SORL1: variants seen among roughly 807,000 people sequenced by gnomAD.
SORL1 encodes sortilin related receptor 1.
In SORL1, 127 loss-of-function variants were observed where a neutral mutation model predicts 273.7. That is an observed-to-expected ratio of 0.46 (90% CI 0.40 to 0.54). The LOEUF (loss-of-function observed/expected upper bound fraction) is 0.54, where lower values mean the gene tolerates loss of function less well. Among genes scored for constraint, SORL1 ranks in the 20% least tolerant of loss-of-function variants. The pLI is 0.00. For synonymous variants in SORL1, 1,031 were observed against 1,067.4 expected (o/e 0.97, Z 0.66); for missense variants, 2,494 against 2,846.1 (o/e 0.88, Z 2.81).
At position 121,452,929 on chromosome 11, in the gene SORL1, A is replaced by G. The variant is rs1041239113; in HGVS notation, c.285+313A>G. The G allele has an allele frequency of 9.5e-5, 29 of 303,676 alleles. No homozygotes were observed. The highest frequency in any genetic ancestry group is 1.6e-4 in the Non-Finnish European group (26 of 165,184). The allele number at this position is 303,676 out of a possible 1,614,324, so 18.8% of individuals were successfully genotyped here. A position where few individuals can be genotyped will look rare whatever the true frequency, so the allele number is the denominator to read the frequency against. On this transcript the variant is annotated intron_variant, in intron 1 of 47. Transcript: ENST00000260197. This position sits in a 1 kb window ranked among gnomAD's most constrained non-coding sequence, Gnocchi z 5.3. Reference sequence around the variant, plus strand: ...GTGCAGCTTCATTTTACATCTGGATAAAAAACGGGCTTTCTTTAGTGTATC... The same window carrying G: ...GTGCAGCTTCATTTTACATCTGGATGAAAAACGGGCTTTCTTTAGTGTATC...
At position 121,632,087 on chromosome 11, in the gene SORL1, G is replaced by A. The variant is rs1017779133; in HGVS notation, c.*2524G>A. On this transcript the variant is annotated 3_prime_UTR_variant, in exon 48 of 48. Coordinates refer to ENST00000260197, the MANE Select transcript of SORL1 (RefSeq NM_003105.6). ...GGAGTCCCTGCTTGCTTGTGAAGAA[G>A]GGGCTTTTGTACCTTGTTGGAGATG... 1.3e-5 allele frequency: 2 copies of A among 152,192 alleles called. No homozygotes were observed. Among genetic ancestry groups the A allele is most frequent in the Non-Finnish European group, 2.9e-5 (2 of 68,052 alleles). The allele number at this position is 152,192 out of a possible 1,614,324, so 9.4% of individuals were successfully genotyped here.
At chr11:121,586,417 C>A in intron 27 of SORL1, 88 bp downstream of exon 27, 2 of 995,686 alleles carry the variant, frequency 2.0e-6, no homozygotes, top group Admixed American at 1.7e-5. Context: ...TTCATTTCCT[C>A]AGTACCTGCT....
Position 121,480,899 on chromosome 11 carries a change from A to G in SORL1, c.528+2656A>G, listed in dbSNP as rs557150476. ...CCCCAGCTTCTTCCGTAGTGCACAG[A>G]TACCTATAGGCAGGCTTCATCTCCT... On this transcript the variant is annotated intron_variant, in intron 3 of 47. Coordinates refer to ENST00000260197, the MANE Select transcript of SORL1 (RefSeq NM_003105.6). 1.5e-3 allele frequency among the ~76,000 whole-genome samples: 210 copies of G among 140,258 alleles called. 1 individual carries two copies. Among genetic ancestry groups the G allele is most frequent in the Non-Finnish European group, 2.8e-3 (178 of 64,722 alleles). The allele number at this position is 140,258 out of a possible 152,430, so 92.0% of individuals were successfully genotyped here. A position where few individuals can be genotyped will look rare whatever the true frequency, so the allele number is the denominator to read the frequency against.
intron 2 of SORL1, among the ~76,000 whole-genome samples, chr11:121,475,334 A>G (rs1465353710): frequency 6.6e-6 from 1 of 152,180 alleles, no homozygotes; most frequent in Non-Finnish European, 1.5e-5. Flanking sequence ...GAATTTTTCA[A>G]CCTGGCCAAG....
Position 121,452,935 on chromosome 11 carries a change from C to T in SORL1, c.285+319C>T, listed in dbSNP as rs1207319862. ...CTTCATTTTACATCTGGATAAAAAA[C>T]GGGCTTTCTTTAGTGTATCATCAGT... On this transcript the variant is annotated intron_variant, in intron 1 of 47. Transcript: ENST00000260197. The surrounding 1 kb of genome is among the most constrained non-coding windows in gnomAD (Gnocchi z 5.3). 1.7e-5 allele frequency: 5 copies of T among 288,956 alleles called. No individual in the cohort carries two copies. In the East Asian group the frequency reaches 2.3e-4, roughly 13 times the overall value. The allele number at this position is 288,956 out of a possible 1,614,324, so 17.9% of individuals were successfully genotyped here.
chr11:121,623,461 T>C (rs1591358343), intron 45 of SORL1, among the ~76,000 whole-genome samples: 1 of 152,216 alleles, frequency 6.6e-6, no homozygotes, highest in Non-Finnish European at 1.5e-5. Flanking sequence ...AATTTGTGTG[T>C]AGTATTTATG....
At chr11:121,495,124 C>T (rs1202183081) in intron 5 of SORL1, among the ~76,000 whole-genome samples, 2 of 152,192 alleles carry the variant, frequency 1.3e-5, no homozygotes, top group Admixed American at 6.5e-5. Flanking sequence ...TGCTCTGTTG[C>T]CCAGGCTGGA....
chr11:121,478,305 G>GCACT, intron 3 of SORL1, 62 bp downstream of exon 3: 1 of 1,562,226 alleles, frequency 6.4e-7, no homozygotes. Flanking sequence ...AAAGATTGCC[G>GCACT]CACTTAAGGG....
intron 6 of SORL1, among the ~76,000 whole-genome samples, chr11:121,507,276 C>G (rs1861802980): frequency 6.6e-6 from 1 of 152,032 alleles, no homozygotes; most frequent in African/African-American, 2.4e-5. Flanking sequence ...CTGAGTTTAT[C>G]CTTTTAGGAA....
Position 121,618,850 on chromosome 11 carries a change from A to G in SORL1, c.5681A>G (p.Asn1894Ser), listed in dbSNP as rs1863678903. 3.7e-6 allele frequency: 6 copies of G among 1,613,960 alleles called. No individual in the cohort carries two copies. The highest frequency in any genetic ancestry group is 3.3e-5 in the Admixed American group (2 of 59,994). ...NPKSLTTSLH[N>S]KTVIVSKDEQ... ...AAGAGCTTGACTACTTCACTCCACA[A>G]CAAGACGGTCATTGTCAGTAAGGAT... Residue 1894 changes from asparagine (N) to serine (S), a missense_variant, in exon 42 of 48, where the codon AAC becomes AGC. Physicochemically the swap from Asn to Ser is conservative, Grantham distance 46 (BLOSUM62 1). Coordinates refer to ENST00000260197, the MANE Select transcript of SORL1 (RefSeq NM_003105.6).
chr11:121,514,381 T>G, intron 8 of SORL1, 60 bp downstream of exon 8: 3 of 1,495,314 alleles, frequency 2.0e-6, no homozygotes, highest in African/African-American at 1.4e-5. Context: ...TTAGCTTCTC[T>G]CTGGTTCTGT....
At chr11:121,604,080 G>C in intron 32 of SORL1, 113 bp from the exon 33 acceptor site, 1 of 1,339,838 alleles carries the variant, frequency 7.5e-7, no homozygotes, top group Non-Finnish European at 1.0e-6. Context: ...CCAGAGGTGT[G>C]TTTTGAAGCA....
chr11:121,600,875 G>GT (rs749531379), intron 32 of SORL1, among the ~76,000 whole-genome samples: 38 of 150,358 alleles, frequency 2.5e-4, no homozygotes, highest in Non-Finnish European at 4.0e-4. Context: ...AGATTCTATT[G>GT]TTTTTTTGTT....
chr11:121,488,051 A>T lies in SORL1; in HGVS notation c.548A>T (p.Tyr183Phe), dbSNP rs539768568. 6.2e-7 allele frequency: 1 copy of T among 1,614,160 alleles called. No individual in the cohort carries two copies. Among genetic ancestry groups the T allele is most frequent in the South Asian group, 1.1e-5 (1 of 91,070 alleles). ...TTGCAGTACATCTTTGCAGACGCTT[A>T]TGCCCAGTACCTCTGGATCACGTTT... is the stretch of plus-strand genomic sequence containing the variant. ...DNKRYIFADA[Y>F]AQYLWITFDF... The change falls in exon 4 of 48, where the codon TAT becomes TTT. Residue 183 changes from tyrosine (Y) to phenylalanine (F), a missense_variant. This residue lies in a region of SORL1 where 710 missense variants were observed against 882.5 expected (regional missense o/e 0.80). Transcript: ENST00000260197.
At chr11:121,619,042 C>G in intron 42 of SORL1, 149 bp downstream of exon 42, 2 of 804,658 alleles carry the variant, frequency 2.5e-6, no homozygotes, top group Non-Finnish European at 4.0e-6. Context: ...TAAGCATCAT[C>G]AGGTTCTTGC....
At chr11:121,477,252 G>A (rs532987848) in intron 2 of SORL1, among the ~76,000 whole-genome samples, 11 of 152,208 alleles carry the variant, frequency 7.2e-5, no homozygotes, top group African/African-American at 2.2e-4. Flanking sequence ...GTATTGTCAC[G>A]TCACTCAGCA....
At chr11:121,536,510 C>T (rs140711040) in intron 12 of SORL1, among the ~76,000 whole-genome samples, 423 of 149,804 alleles carry the variant, frequency 2.8e-3, no homozygotes, top group African/African-American at 9.9e-3. Context: ...AAGCGGTCCT[C>T]CCATCTCAGC....
intron 35 of SORL1, 109 bp downstream of exon 35, chr11:121,605,680 G>A (rs962834665): frequency 1.6e-5 from 14 of 853,042 alleles, no homozygotes; most frequent in Admixed American, 1.3e-4. Flanking sequence ...TGCCTCACAT[G>A]TACAGAAGTA....
At chr11:121,606,074 C>T (rs1863468596) in intron 35 of SORL1, among the ~76,000 whole-genome samples, 1 of 152,136 alleles carries the variant, frequency 6.6e-6, no homozygotes, top group Non-Finnish European at 1.5e-5. Context: ...AGGTGTGTGC[C>T]ACCATGCTCA....
Sources: gnomAD v4.1 joint callset for allele counts (sites outside exome capture counted in the v4.1 genomes callset) on GRCh38, gnomAD v4.1.1 for gene constraint, gnomAD v4.1.1 regional missense constraint, Gnocchi (gnomAD v3.1) non-coding constraint, MANE v1.5 for transcripts, NCBI Gene and HGNC (gene_info 2026-07-23, HGNC 2026-07-21) for gene names.